The following PPP1R12B variants were observed in gnomAD, a reference collection of about 807,000 sequenced individuals.
PPP1R12B encodes protein phosphatase 1 regulatory subunit 12B.
A neutral mutation model predicts 126.1 loss-of-function variants in PPP1R12B; 76 were observed. The ratio of observed to expected loss-of-function variants is 0.60; its 90% CI spans 0.50 to 0.73. The LOEUF is 0.73. PPP1R12B is among the 30% of genes least tolerant of loss of function. The pLI, the probability that PPP1R12B is intolerant of heterozygous loss-of-function variation, is 0.00. For synonymous variants in PPP1R12B, 356 were observed against 434.7 expected, an observed-to-expected ratio of 0.82 and a Z score of 2.25; for missense variants, 1,052 against 1,205.1, an observed-to-expected ratio of 0.87 and a Z score of 1.88.
At chr1:202,353,802 G>A (rs1280029318) in intron 1 of PPP1R12B, among the ~76,000 whole-genome samples, 1 of 151,842 alleles carries the variant, frequency 6.6e-6, no homozygotes, top group Non-Finnish European at 1.5e-5. Context: ...TGTAGACAAG[G>A]GGGTCTCACT....
Position 202,384,848 on chromosome 1 carries a change from C to T in PPP1R12B, c.292-31939C>T, listed in dbSNP as rs111705503. ...TGTGAAAGATTAAACATTTGTGCAT[C>T]TTCACTGGGTAAGTGATGTTCAAAG... On this transcript the variant is annotated intron_variant, in intron 1 of 23. Coordinates refer to ENST00000608999, the MANE Select transcript of PPP1R12B (RefSeq NM_002481.4). Among the ~76,000 whole-genome samples the T allele has an allele frequency of 7.0e-3, 1,071 of 152,308 alleles. 12 individuals carry two copies. The highest frequency in any genetic ancestry group is 0.024 in the African/African-American group (1,006 of 41,570).
chr1:202,409,843 G>A (rs1269688816), intron 1 of PPP1R12B, among the ~76,000 whole-genome samples: 2 of 151,934 alleles, frequency 1.3e-5, no homozygotes, highest in African/African-American at 4.8e-5. Flanking sequence ...CATCCTAATA[G>A]GTATGAGGTG....
chr1:202,354,436 GT>G (rs1269085377), intron 1 of PPP1R12B, among the ~76,000 whole-genome samples: 1 of 152,112 alleles, frequency 6.6e-6, no homozygotes, highest in Non-Finnish European at 1.5e-5. Context: ...AGGCATGTTG[GT>G]GCATGTCTGT....
At chr1:202,568,932 A>G (rs183805051) in intron 22 of PPP1R12B, among the ~76,000 whole-genome samples, 12 of 152,276 alleles carry the variant, frequency 7.9e-5, no homozygotes, top group African/African-American at 2.4e-4. Context: ...TGATTTTATG[A>G]TAGGAGATTT....
chr1:202,547,197 C>G (rs1455151926), intron 18 of PPP1R12B, among the ~76,000 whole-genome samples: 1 of 152,214 alleles, frequency 6.6e-6, no homozygotes, highest in Non-Finnish European at 1.5e-5. Flanking sequence ...GACTATTCAG[C>G]ATTGGTTTTT....
At chr1:202,473,030 T>G (rs1321867095) in intron 13 of PPP1R12B, among the ~76,000 whole-genome samples, 1 of 152,228 alleles carries the variant, frequency 6.6e-6, no homozygotes. Flanking sequence ...TCAGCACTCT[T>G]GACATTTGGG....
intron 13 of PPP1R12B, among the ~76,000 whole-genome samples, chr1:202,455,332 A>G (rs1673487575): frequency 6.6e-6 from 1 of 152,172 alleles, no homozygotes; most frequent in Non-Finnish European, 1.5e-5. Flanking sequence ...CATTTTCATC[A>G]TCTTAGAGAG....
rs138765156 is a variant in PPP1R12B, at chr1:202,359,063, C to A, written c.291+9921C>A. Among the ~76,000 whole-genome samples the A allele has an allele frequency of 5.3e-5, 8 of 152,188 alleles. No homozygotes were observed. The East Asian group carries it at 1.5e-3, about 29-fold the overall frequency. ...ATAATGAATTCTCAAAAGTGATCAACTTATGGCCAATCTTGTTTCATTTAT... is the reference window on the plus strand; with the variant it reads ...ATAATGAATTCTCAAAAGTGATCAAATTATGGCCAATCTTGTTTCATTTAT... On this transcript the variant is annotated intron_variant, in intron 1 of 23. Coordinates refer to ENST00000608999, the MANE Select transcript of PPP1R12B (RefSeq NM_002481.4).
intron 1 of PPP1R12B, among the ~76,000 whole-genome samples, chr1:202,383,402 A>G (rs1036447728): frequency 6.6e-6 from 1 of 152,178 alleles, no homozygotes; most frequent in African/African-American, 2.4e-5. Context: ...ATCATATTCT[A>G]TGTATCCTTT....
At chr1:202,538,765 C>A (rs1684808141) in intron 18 of PPP1R12B, among the ~76,000 whole-genome samples, 1 of 152,188 alleles carries the variant, frequency 6.6e-6, no homozygotes, top group Admixed American at 6.5e-5. Context: ...AGGTCAAATC[C>A]AAAATCCTTC....
chr1:202,420,998 T>C (rs1347356843), intron 2 of PPP1R12B, among the ~76,000 whole-genome samples: 1 of 120,384 alleles, frequency 8.3e-6, no homozygotes, highest in Non-Finnish European at 1.7e-5. Flanking sequence ...TGAGATAGAG[T>C]CTTGCTCTGT....
chr1:202,428,720 T>C, intron 5 of PPP1R12B, 135 bp from the exon 6 acceptor site: 1 of 691,902 alleles, frequency 1.4e-6, no homozygotes, highest in South Asian at 1.8e-5. Context: ...TCATAATGTA[T>C]GGTAGATTAG....
At chr1:202,547,603 C>G (rs1685784625) in intron 18 of PPP1R12B, among the ~76,000 whole-genome samples, 1 of 152,098 alleles carries the variant, frequency 6.6e-6, no homozygotes, top group African/African-American at 2.4e-5. Context: ...GTTAAATATT[C>G]TAGATTTAAA....
At chr1:202,549,360 C>A (rs1199850621) in intron 18 of PPP1R12B, among the ~76,000 whole-genome samples, 1 of 152,104 alleles carries the variant, frequency 6.6e-6, no homozygotes, top group African/African-American at 2.4e-5. Flanking sequence ...TCCTAACTAC[C>A]CCTTTTTATT....
chr1:202,523,004 A>G (rs1682931565), intron 18 of PPP1R12B, among the ~76,000 whole-genome samples: 2 of 152,240 alleles, frequency 1.3e-5, no homozygotes, highest in Admixed American at 1.3e-4. Flanking sequence ...AAAAGTCAAA[A>G]ATACTCAAGA....
chr1:202,378,583 G>A (rs186013122), intron 1 of PPP1R12B, among the ~76,000 whole-genome samples: 13 of 151,862 alleles, frequency 8.6e-5, no homozygotes, highest in African/African-American at 3.1e-4. Context: ...AAGTTCAAGC[G>A]ATTCTCCTGC....
Position 202,427,638 on chromosome 1 carries a change from A to T in PPP1R12B, c.846+454A>T, listed in dbSNP as rs557373526. Among the ~76,000 whole-genome samples the T allele has an allele frequency of 3.0e-3, 450 of 151,902 alleles. 3 individuals carry two copies. Among genetic ancestry groups the T allele is most frequent in the African/African-American group, 9.8e-3 (406 of 41,438 alleles). On this transcript the variant is annotated intron_variant, in intron 5 of 23. Transcript: ENST00000608999. ...GGAACTCCTATCCCTATGTCTACTG[A>T]TTTTATTTTATTATTATTATTTTTG...
At chr1:202,352,898 G>GAAAAAC (rs1553260474) in intron 1 of PPP1R12B, among the ~76,000 whole-genome samples, 1 of 143,950 alleles carries the variant, frequency 6.9e-6, no homozygotes, top group Non-Finnish European at 1.5e-5. Flanking sequence ...AAAAAAAAAA[G>GAAAAAC]AAAAAAGAAA....
rs1685441756 is a variant in PPP1R12B at position 202,544,394 on chromosome 1, AG to A, written c.2491-14482del. 3.9e-5 allele frequency among the ~76,000 whole-genome samples: 6 copies of A among 152,330 alleles called. 1 individual carries two copies. Among genetic ancestry groups the A allele is most frequent in the African/African-American group, 1.4e-4 (6 of 41,582 alleles). On this transcript the variant is annotated intron_variant, in intron 18 of 23. Transcript: ENST00000608999. ...GCATTTTTAAATTATCCTAAAAGTAAGAGCCAGGTAATCTTTGGTCAGTATT... is the reference window on the plus strand; with the variant it reads ...GCATTTTTAAATTATCCTAAAAGTAAAGCCAGGTAATCTTTGGTCAGTATT...
Sources: allele counts gnomAD v4.1 joint callset (sites outside exome capture counted in the v4.1 genomes callset), GRCh38; gene constraint gnomAD v4.1.1; transcripts MANE v1.5; gene names NCBI Gene and HGNC (gene_info 2026-07-23, HGNC 2026-07-21).